The following MEF2A variants were observed in gnomAD, a reference collection of about 807,000 sequenced individuals.
The protein encoded by MEF2A is myocyte-specific enhancer factor 2A.
In MEF2A, 28 loss-of-function variants were observed where a neutral mutation model predicts 55.8. That is an observed-to-expected ratio of 0.50 (90% CI 0.37 to 0.69). The LOEUF is 0.69. MEF2A is among the 30% of genes least tolerant of loss of function. The pLI is 0.00. For missense variants in MEF2A, 528 were observed against 626.2 expected (o/e 0.84, Z 1.67); for synonymous variants, 239 against 227.1 (o/e 1.05, Z -0.47).
chr15:99,585,119 G>T (rs1278931451), intron 1 of MEF2A, among the ~76,000 whole-genome samples: 1 of 152,140 alleles, frequency 6.6e-6, no homozygotes, highest in Non-Finnish European at 1.5e-5. Context: ...ACTTGGGCTG[G>T]AATTGTGCTT....
At chr15:99,698,443 GAAAAT>G (rs1479425027) in intron 8 of MEF2A, among the ~76,000 whole-genome samples, 1 of 152,162 alleles carries the variant, frequency 6.6e-6, no homozygotes, top group Non-Finnish European at 1.5e-5. Context: ...TTAGGGAATT[GAAAAT>G]TAAAACCTAA....
At chr15:99,697,296 C>T (rs1182833636) in intron 8 of MEF2A, among the ~76,000 whole-genome samples, 3 of 151,872 alleles carry the variant, frequency 2.0e-5, no homozygotes, top group East Asian at 1.9e-4. Flanking sequence ...AGAAATTAAA[C>T]TTCCTCTATT....
intron 7 of MEF2A, among the ~76,000 whole-genome samples, chr15:99,682,432 G>C (rs2053411953): frequency 6.6e-6 from 1 of 151,814 alleles, no homozygotes. Flanking sequence ...TAGTTCCTAG[G>C]TTTGTAAACT....
chr15:99,667,409 A>C (rs1294939116), intron 4 of MEF2A, among the ~76,000 whole-genome samples: 1 of 152,090 alleles, frequency 6.6e-6, no homozygotes, highest in South Asian at 2.1e-4. Context: ...TATTTTTAGT[A>C]GAGACGGGGT....
At chr15:99,703,057 C>A (rs568536562) in intron 8 of MEF2A, among the ~76,000 whole-genome samples, 10 of 152,238 alleles carry the variant, frequency 6.6e-5, no homozygotes, top group Admixed American at 1.3e-4. Context: ...ATGAGGAACC[C>A]CTTTTAAATA....
At position 99,710,717 on chromosome 15, in the gene MEF2A, T is replaced by C; in HGVS notation, c.1093T>C (p.Trp365Arg). 1.2e-6 allele frequency: 2 copies of C among 1,613,156 alleles called. No individual in the cohort carries two copies. Among genetic ancestry groups the C allele is most frequent in the Non-Finnish European group, 1.7e-6 (2 of 1,179,138 alleles). ...GCTGTCGCTGGGACAGGTGTCGGCC[T>C]GGCAGCAGCACCACCTAGGACAAGC... ...GMLSLGQVSA[W>R]QQHHLGQAAL... is the part of the protein sequence containing the mutation. Residue 365 changes from tryptophan (W) to arginine (R), a missense_variant, in exon 11 of 12, where the codon TGG becomes CGG. Physicochemically the swap from Trp to Arg is moderately radical, Grantham distance 101. Coordinates refer to ENST00000557942, the MANE Select transcript of MEF2A (RefSeq NM_001319206.4).
At chr15:99,668,879 A>G (rs1316621120) in intron 4 of MEF2A, among the ~76,000 whole-genome samples, 1 of 152,098 alleles carries the variant, frequency 6.6e-6, no homozygotes, top group African/African-American at 2.4e-5. Flanking sequence ...CCTCAAAACA[A>G]CTCTTCATGG....
intron 1 of MEF2A, among the ~76,000 whole-genome samples, chr15:99,584,501 A>G (rs994840548): frequency 6.6e-6 from 1 of 152,226 alleles, no homozygotes; most frequent in Non-Finnish European, 1.5e-5. Context: ...ATTCAGCAAT[A>G]AAAAGGAATG....
At chr15:99,631,530 T>C (rs1021173604) in intron 2 of MEF2A, among the ~76,000 whole-genome samples, 2 of 152,202 alleles carry the variant, frequency 1.3e-5, no homozygotes, top group Admixed American at 1.3e-4. Context: ...AACCATAAAT[T>C]TAATTCAGAT....
chr15:99,631,218 A>G (rs1424625348), intron 2 of MEF2A, among the ~76,000 whole-genome samples: 1 of 152,218 alleles, frequency 6.6e-6, no homozygotes, highest in Non-Finnish European at 1.5e-5. Flanking sequence ...TACAGCCATT[A>G]AAATATCTTG....
chr15:99,597,916 T>G (rs1405567951), intron 1 of MEF2A, among the ~76,000 whole-genome samples: 2 of 152,228 alleles, frequency 1.3e-5, no homozygotes, highest in East Asian at 1.9e-4. Flanking sequence ...TTGTTCCCTT[T>G]AAAATATAGC....
At chr15:99,578,505 ATCT>A (rs1431963331) in intron 1 of MEF2A, among the ~76,000 whole-genome samples, 1 of 152,150 alleles carries the variant, frequency 6.6e-6, no homozygotes, top group African/African-American at 2.4e-5. Context: ...CCCTGTAATC[ATCT>A]TCTTTCCCAC....
At chr15:99,567,292 T>C (rs1960080541) in intron 1 of MEF2A, among the ~76,000 whole-genome samples, 1 of 152,238 alleles carries the variant, frequency 6.6e-6, no homozygotes, top group African/African-American at 2.4e-5. Context: ...AACATTGTCT[T>C]AACATTTTTT....
At chr15:99,641,701 G>A (rs905150178) in intron 3 of MEF2A, among the ~76,000 whole-genome samples, 29 of 152,126 alleles carry the variant, frequency 1.9e-4, no homozygotes, top group Non-Finnish European at 3.2e-4. Flanking sequence ...TCCAGCCTGG[G>A]CGACAGAGTG....
chr15:99,578,639 G>C (rs1001560822), intron 1 of MEF2A, among the ~76,000 whole-genome samples: 8 of 152,144 alleles, frequency 5.3e-5, no homozygotes, highest in Admixed American at 1.3e-4. Context: ...TAAGAAATAC[G>C]TGTGTATACG....
chr15:99,589,603 A>G lies in MEF2A; in HGVS notation c.-224-8827A>G, dbSNP rs986513662. On this transcript the variant is annotated intron_variant, in intron 1 of 11. Coordinates refer to ENST00000557942, the MANE Select transcript of MEF2A (RefSeq NM_001319206.4). ...AAGTTTGGAACGCTGTTAAACCATTATTTTTTCTTCTAAAATACGCACTTA... is the reference window on the plus strand; with the variant it reads ...AAGTTTGGAACGCTGTTAAACCATTGTTTTTTCTTCTAAAATACGCACTTA... Among the ~76,000 whole-genome samples, 4 of 151,936 alleles carry G rather than the reference A, an allele frequency of 2.6e-5. No individual in the cohort carries two copies. The South Asian group carries it at 8.3e-4, about 32-fold the overall frequency.
intron 4 of MEF2A, among the ~76,000 whole-genome samples, chr15:99,660,444 G>A (rs1410351828): frequency 1.3e-5 from 2 of 152,122 alleles, no homozygotes; most frequent in African/African-American, 2.4e-5. Flanking sequence ...CTGCTTCCAG[G>A]TGTGACCAGT....
intron 9 of MEF2A, among the ~76,000 whole-genome samples, chr15:99,704,935 T>A (rs1192270237): frequency 6.6e-6 from 1 of 152,204 alleles, no homozygotes; most frequent in South Asian, 2.1e-4. Context: ...GAGATAAATA[T>A]ATTAGGTCCT....
chr15:99,686,702 CA>C (rs530950683), intron 7 of MEF2A, among the ~76,000 whole-genome samples: 77 of 152,244 alleles, frequency 5.1e-4, no homozygotes, highest in African/African-American at 1.8e-3. Flanking sequence ...GCCTGGGTGA[CA>C]ATCTTTTTGC....
Sources: allele counts gnomAD v4.1 joint callset (sites outside exome capture counted in the v4.1 genomes callset), GRCh38; gene constraint gnomAD v4.1.1; transcripts MANE v1.5; gene names NCBI Gene and HGNC (gene_info 2026-07-23, HGNC 2026-07-21).